The following COL24A1 variants were observed in gnomAD, a reference collection of about 807,000 sequenced individuals.
COL24A1 encodes the protein collagen type XXIV alpha 1 chain.
Under a neutral mutation model 253.9 loss-of-function variants are expected in COL24A1, and 224 were observed. The ratio of observed to expected loss-of-function variants is 0.88; its 90% CI spans 0.79 to 0.99. The LOEUF (loss-of-function observed/expected upper bound fraction) is 0.99. COL24A1 is among the 50% of genes least tolerant of loss of function. The probability of loss-of-function intolerance (pLI) is 0.00; values close to 1 mark genes in which losing one functional copy is unlikely to be tolerated. For synonymous variants in COL24A1, 685 were observed against 673.7 expected, an observed-to-expected ratio of 1.02 and a Z score of -0.26; for missense variants, 2,131 against 2,068.5, an observed-to-expected ratio of 1.03 and a Z score of -0.59.
intron 22 of COL24A1, among the ~76,000 whole-genome samples, chr1:85,969,810 T>C (rs1379874295): frequency 6.6e-6 from 1 of 151,956 alleles, no homozygotes; most frequent in Non-Finnish European, 1.5e-5. Context: ...TGAAAACAAA[T>C]AATTAACATA....
intron 18 of COL24A1, among the ~76,000 whole-genome samples, chr1:86,019,954 G>A (rs1697343755): frequency 6.6e-6 from 1 of 151,888 alleles, no homozygotes; most frequent in African/African-American, 2.4e-5. Context: ...GCTTACACTA[G>A]GAGGAATATT....
intron 47 of COL24A1, among the ~76,000 whole-genome samples, chr1:85,809,729 T>A (rs1672335432): frequency 6.7e-6 from 1 of 150,314 alleles, no homozygotes; most frequent in Non-Finnish European, 1.5e-5. Context: ...GTTGCTGTTT[T>A]TTTTGTTTTT....
At chr1:85,764,665 C>G (rs987907270) in intron 53 of COL24A1, among the ~76,000 whole-genome samples, 7 of 152,118 alleles carry the variant, frequency 4.6e-5, no homozygotes, top group African/African-American at 1.7e-4. Context: ...ATTTGGACCT[C>G]AGATATCTAA....
In COL24A1 at chr1:85,872,651, A is replaced by C. The variant is rs543617584; in HGVS notation, c.3138+1998T>G. On this transcript the variant is annotated intron_variant, in intron 35 of 59. Coordinates refer to ENST00000370571, the MANE Select transcript of COL24A1 (RefSeq NM_152890.7). ...GCTAGCCATATGTAGAAAGCTGAAAACGGATCCCTTTCTTACACCTTATAC... is the reference window on the plus strand; with the variant it reads ...GCTAGCCATATGTAGAAAGCTGAAACCGGATCCCTTTCTTACACCTTATAC... 3.9e-3 allele frequency among the ~76,000 whole-genome samples: 587 copies of C among 152,190 alleles called. 4 individuals are homozygous for C. The highest frequency in any genetic ancestry group is 0.013 in the African/African-American group (554 of 41,552).
Position 85,936,631 on chromosome 1 carries a change from G to A in COL24A1, c.2562+24618C>T, listed in dbSNP as rs182233443. Among the ~76,000 whole-genome samples, 71 of 147,458 alleles carry A rather than the reference G, an allele frequency of 4.8e-4. 4 individuals carry two copies. Among genetic ancestry groups the A allele is most frequent in the African/African-American group, 1.5e-3 (61 of 40,308 alleles). On this transcript the variant is annotated intron_variant, in intron 24 of 59. Coordinates refer to ENST00000370571, the MANE Select transcript of COL24A1 (RefSeq NM_152890.7). Reference sequence around the variant, plus strand: ...TAACACTCTGGCAAGGACCCCAGGAGGTTGCACAAGCTCCTACAGTGGGTC... The same window carrying A: ...TAACACTCTGGCAAGGACCCCAGGAAGTTGCACAAGCTCCTACAGTGGGTC...
chr1:86,066,027 A>G (rs1358202535), intron 7 of COL24A1, among the ~76,000 whole-genome samples: 1 of 152,190 alleles, frequency 6.6e-6, no homozygotes, highest in African/African-American at 2.4e-5. Context: ...GCAGATGCAG[A>G]GAAAGTAGAT....
At chr1:86,111,166 C>A (rs545766182) in intron 5 of COL24A1, among the ~76,000 whole-genome samples, 23 of 149,126 alleles carry the variant, frequency 1.5e-4, no homozygotes, top group African/African-American at 5.7e-4. Flanking sequence ...TTATGTCTAG[C>A]TAGAGGATTG....
At chr1:86,075,867 T>G (rs1450067070) in intron 7 of COL24A1, among the ~76,000 whole-genome samples, 1 of 152,072 alleles carries the variant, frequency 6.6e-6, no homozygotes, top group Non-Finnish European at 1.5e-5. Context: ...AAACTCTCAG[T>G]CAACTAGATA....
At chr1:86,014,195 C>T (rs961948805) in intron 19 of COL24A1, among the ~76,000 whole-genome samples, 2 of 152,126 alleles carry the variant, frequency 1.3e-5, no homozygotes, top group African/African-American at 4.8e-5. Flanking sequence ...TATACTGATT[C>T]GTTCTCATTC....
chr1:86,112,951 T>C (rs1338053535), intron 4 of COL24A1, among the ~76,000 whole-genome samples: 1 of 151,894 alleles, frequency 6.6e-6, no homozygotes, highest in African/African-American at 2.4e-5. Context: ...TGTTCTAATC[T>C]GTTACTTAAA....
rs77118996 is a variant in COL24A1, at chr1:86,115,528, C to T, written c.1492-150G>A. The T allele has an allele frequency of 8.9e-3, 6,066 of 684,368 alleles. 130 individuals carry two copies. The highest frequency in any genetic ancestry group is 0.063 in the East Asian group (2,289 of 36,188). The allele number at this position is 684,368 out of a possible 1,614,324, so 42.4% of individuals were successfully genotyped here. ...TTTTAAGTAACACGAACCCCCTTAC[C>T]CTAATCAGCAGGGGTGAGTTGAAAC... On this transcript the variant is annotated intron_variant, in intron 3 of 59. Coordinates refer to ENST00000370571, the MANE Select transcript of COL24A1 (RefSeq NM_152890.7).
At chr1:86,096,612 G>T (rs559199158) in intron 5 of COL24A1, among the ~76,000 whole-genome samples, 3 of 152,102 alleles carry the variant, frequency 2.0e-5, no homozygotes, top group African/African-American at 7.2e-5. Flanking sequence ...AAATACAAGG[G>T]TCTAACATAG....
At chr1:85,754,526 T>A (rs1228892439) in intron 55 of COL24A1, among the ~76,000 whole-genome samples, 7 of 73,564 alleles carry the variant, frequency 9.5e-5, no homozygotes, top group African/African-American at 1.6e-4. Flanking sequence ...ACCCTAAAAC[T>A]TAGAGTATAA....
At chr1:85,923,876 C>A (rs1484827900) in intron 24 of COL24A1, among the ~76,000 whole-genome samples, 1 of 152,052 alleles carries the variant, frequency 6.6e-6, no homozygotes, top group African/African-American at 2.4e-5. Context: ...TCAATGAATC[C>A]ATGAGCTGGT....
intron 24 of COL24A1, among the ~76,000 whole-genome samples, chr1:85,958,465 G>A (rs1245562080): frequency 6.6e-6 from 1 of 151,978 alleles, no homozygotes; most frequent in African/African-American, 2.4e-5. Flanking sequence ...CATGAAGGTA[G>A]GGACCATATG....
chr1:85,852,500 G>A (rs962652032), intron 37 of COL24A1, among the ~76,000 whole-genome samples: 1 of 151,882 alleles, frequency 6.6e-6, no homozygotes, highest in Non-Finnish European at 1.5e-5. Flanking sequence ...TATCAATCAA[G>A]TTTTATTAAA....
intron 13 of COL24A1, among the ~76,000 whole-genome samples, chr1:86,032,318 C>T (rs1214446055): frequency 1.3e-5 from 2 of 152,158 alleles, no homozygotes; most frequent in Admixed American, 6.6e-5. Flanking sequence ...CGGTTTAAAA[C>T]ACTATGGACT....
At chr1:86,057,831 T>C (rs1700773034) in intron 10 of COL24A1, 100 bp downstream of exon 10, 1 of 1,013,852 alleles carries the variant, frequency 9.9e-7, no homozygotes, top group African/African-American at 1.6e-5. Context: ...TGAATTAAAT[T>C]CAAAGCTACT....
chr1:85,776,650 T>G (rs568468960), intron 52 of COL24A1, among the ~76,000 whole-genome samples: 1 of 151,980 alleles, frequency 6.6e-6, no homozygotes, highest in Non-Finnish European at 1.5e-5. Flanking sequence ...TATTTTAAAT[T>G]TGCTATTATT....
Sources: allele counts gnomAD v4.1 joint callset (sites outside exome capture counted in the v4.1 genomes callset), GRCh38; gene constraint gnomAD v4.1.1; transcripts MANE v1.5; gene names NCBI Gene and HGNC (gene_info 2026-07-23, HGNC 2026-07-21).